Variants in UGT1A5 observed in about 807,000 individuals in gnomAD.
The protein encoded by UGT1A5 is UDP glucuronosyltransferase family 1 member A5.
UGT1A5 carries 29 observed loss-of-function variants against 40.3 expected under a neutral mutation model. That is an observed-to-expected ratio of 0.72 (90% confidence interval 0.54 to 0.98). The LOEUF is 0.98. Among genes scored for constraint, UGT1A5 ranks in the 50% least tolerant of loss-of-function variants. The pLI is 0.00. For missense variants in UGT1A5, 678 were observed against 677.9 expected (o/e 1.00, Z 0.00); for synonymous variants, 257 against 262.5 (o/e 0.98, Z 0.20).
rs1274189847 is a variant in UGT1A5, at chr2:233,773,108, T to A, written c.*549T>A. 6.4e-6 allele frequency: 1 copy of A among 155,390 alleles called. No individual in the cohort carries two copies. The highest frequency in any genetic ancestry group is 2.4e-5 in the African/African-American group (1 of 41,446). The allele number at this position is 155,390 out of a possible 1,614,324, so 9.6% of individuals were successfully genotyped here. A position where few individuals can be genotyped will look rare whatever the true frequency, so the allele number is the denominator to read the frequency against. On this transcript the variant is annotated 3_prime_UTR_variant, in exon 5 of 5. Coordinates refer to ENST00000373414, the MANE Select transcript of UGT1A5 (RefSeq NM_019078.2). ...AGTGCACTGAGAACAGCATATGATT[T>A]CTTGCTTTGGGGAAAAAGAATGATG...
intron 1 of UGT1A5, chr2:233,761,124 C>T: frequency 1.9e-6 from 3 of 1,614,202 alleles, no homozygotes; most frequent in Non-Finnish European, 2.5e-6. Context: ...GTGGAATCAA[C>T]TGCCTTCACC....
At position 233,772,550 on chromosome 2, in the gene UGT1A5, G is replaced by A. The variant is rs762374323; in HGVS notation, c.1596G>A (p.Lys532=). The change falls in exon 5 of 5, where the codon AAG becomes AAA. Residue 532 remains lysine, a synonymous_variant. Transcript: ENST00000373414. ...GAGTTAAGAAAGCCCACAAATCCAA[G>A]ACCCATTGAGAAGTGGGTGGGAAAT... ...KGRVKKAHKS[K]TH 21 of 1,613,880 alleles carry A rather than the reference G, an allele frequency of 1.3e-5. No homozygotes were observed. The highest frequency in any genetic ancestry group is 1.5e-5 in the Non-Finnish European group (18 of 1,179,970).
At chr2:233,747,752 A>C in intron 1 of UGT1A5, 1 of 1,613,466 alleles carries the variant, frequency 6.2e-7, no homozygotes, top group Non-Finnish European at 8.5e-7. Context: ...CATGTGATTT[A>C]GACTTTAAGG....
intron 1 of UGT1A5, chr2:233,760,289 T>A: frequency 2.5e-6 from 4 of 1,613,270 alleles, no homozygotes; most frequent in Non-Finnish European, 3.4e-6. Flanking sequence ...AAAGGCGCCA[T>A]GGCTGTGGAG....
At chr2:233,729,756 G>A in intron 1 of UGT1A5, 1 of 1,613,874 alleles carries the variant, frequency 6.2e-7, no homozygotes, top group Non-Finnish European at 8.5e-7. Context: ...TCATGCAAAG[G>A]GTCAAGAACA....
rs2076333250 is a variant in UGT1A5, at chr2:233,713,612, C to T, written c.621C>T (p.Phe207=). 1 of 1,613,866 alleles carries T rather than the reference C, an allele frequency of 6.2e-7. No homozygotes were observed. Among genetic ancestry groups the T allele is most frequent in the African/African-American group, 1.3e-5 (1 of 74,932 alleles). Residue 207 remains phenylalanine (F), a synonymous_variant, in exon 1 of 5, where the codon TTC becomes TTT. Transcript: ENST00000373414. ...LLTTNSDHMT[F]LQRVKNMLYP... ...CGACCAATTCAGACCACATGACATTCCTGCAAAGGGTCAAGAACATGCTCT... is the reference window on the plus strand; with the variant it reads ...CGACCAATTCAGACCACATGACATTTCTGCAAAGGGTCAAGAACATGCTCT...
intron 1 of UGT1A5, among the ~76,000 whole-genome samples, chr2:233,751,413 T>C (rs1057500388): frequency 6.6e-6 from 1 of 152,208 alleles, no homozygotes; most frequent in Non-Finnish European, 1.5e-5. Flanking sequence ...TATGGACTTT[T>C]GAGCTAGTGC....
At chr2:233,725,028 T>C (rs2077347799) in intron 1 of UGT1A5, among the ~76,000 whole-genome samples, 1 of 148,182 alleles carries the variant, frequency 6.7e-6, no homozygotes, top group African/African-American at 2.5e-5. Flanking sequence ...AAACCCGGTC[T>C]CCACCAAAAC....
intron 1 of UGT1A5, among the ~76,000 whole-genome samples, chr2:233,731,783 C>T (rs553987259): frequency 3.5e-4 from 54 of 152,240 alleles, no homozygotes; most frequent in African/African-American, 1.2e-3. Context: ...CATTTATAAT[C>T]GTTTGGGTAT....
At chr2:233,747,861 C>G (rs1332283136) in intron 1 of UGT1A5, 2 of 1,613,322 alleles carry the variant, frequency 1.2e-6, no homozygotes, top group African/African-American at 2.7e-5. Context: ...CATGCTCTAC[C>G]CTCTGGCCCT....
chr2:233,720,054 T>A (rs1306889696), intron 1 of UGT1A5, among the ~76,000 whole-genome samples: 1 of 152,204 alleles, frequency 6.6e-6, no homozygotes, highest in African/African-American at 2.4e-5. Context: ...TGAACGGTGA[T>A]GCAACAGTAA....
At chr2:233,719,289 T>A in intron 1 of UGT1A5, 1 of 1,614,098 alleles carries the variant, frequency 6.2e-7, no homozygotes, top group African/African-American at 1.3e-5. Flanking sequence ...CGTTAACCTC[T>A]GTGGGGCGGT....
intron 1 of UGT1A5, among the ~76,000 whole-genome samples, chr2:233,757,560 A>ATATATATATATATATACATATATATATG (rs904896556): frequency 8.1e-6 from 1 of 123,146 alleles, no homozygotes; most frequent in African/African-American, 3.4e-5. Context: ...ATATATATAT[A>ATATATATATATATATACATATATATATG]TGTATATATG....
At chr2:233,734,739 A>C (rs1237187845) in intron 1 of UGT1A5, among the ~76,000 whole-genome samples, 2 of 152,196 alleles carry the variant, frequency 1.3e-5, no homozygotes, top group East Asian at 1.9e-4. Context: ...GTTTCAAAGA[A>C]CATCTTTATT....
chr2:233,748,300 T>C lies in UGT1A5; in HGVS notation c.868-18734T>C, dbSNP rs533693857. ...AAGAAGAGGCAGACATGAATGTTTA[T>C]CAAAGGATGGACTAGGACTGATGTG... On this transcript the variant is annotated intron_variant, in intron 1 of 4. Transcript: ENST00000373414. Among the ~76,000 whole-genome samples, 169 of 151,842 alleles carry C rather than the reference T, an allele frequency of 1.1e-3. 1 individual carries two copies. Among genetic ancestry groups the C allele is most frequent in the Non-Finnish European group, 1.3e-3 (90 of 68,016 alleles).
Position 233,769,129 on chromosome 2 carries a change from C to T in UGT1A5, c.1307+690C>T, listed in dbSNP as rs1228379721. Among the ~76,000 whole-genome samples, 1 of 152,120 alleles carries T rather than the reference C, an allele frequency of 6.6e-6. No homozygotes were observed. The highest frequency in any genetic ancestry group is 1.9e-4 in the East Asian group (1 of 5,198). On this transcript the variant is annotated intron_variant, in intron 4 of 4. Coordinates refer to ENST00000373414, the MANE Select transcript of UGT1A5 (RefSeq NM_019078.2). This position sits in a 1 kb window ranked among gnomAD's most constrained non-coding sequence, Gnocchi z 4.4. ...AAAACAACTCAAATGCTTAGAAGTA[C>T]AGCTTTTTGCAGCACTGGAACCTGT...
intron 1 of UGT1A5, among the ~76,000 whole-genome samples, chr2:233,724,565 G>A (rs1428948283): frequency 3.9e-5 from 5 of 129,268 alleles, no homozygotes; most frequent in Non-Finnish European, 6.5e-5. Context: ...CAGATGGGGC[G>A]GCGGGGCAGA....
intron 1 of UGT1A5, among the ~76,000 whole-genome samples, chr2:233,748,636 A>G (rs1201080065): frequency 6.6e-6 from 1 of 151,796 alleles, no homozygotes; most frequent in African/African-American, 2.4e-5. Flanking sequence ...CTGTGATTAT[A>G]GAATTACACA....
chr2:233,755,016 T>C (rs1695690750), intron 1 of UGT1A5: 1 of 1,296,724 alleles, frequency 7.7e-7, no homozygotes, highest in Non-Finnish European at 1.0e-6. Context: ...CTCGAAGGGG[T>C]CCTTGAAGGG....
Sources: gnomAD v4.1 joint callset for allele counts (sites outside exome capture counted in the v4.1 genomes callset) on GRCh38, gnomAD v4.1.1 for gene constraint, Gnocchi (gnomAD v3.1) non-coding constraint, MANE v1.5 for transcripts, NCBI Gene and HGNC (gene_info 2026-07-23, HGNC 2026-07-21) for gene names.